UCKL1: variants seen among roughly 807,000 people sequenced by gnomAD.
The protein encoded by UCKL1 is uridine-cytidine kinase 1 like 1, also known as uridine-cytidine kinase-like 1.
A neutral mutation model predicts 59.2 loss-of-function variants in UCKL1; 65 were observed. The ratio of observed to expected loss-of-function variants is 1.10; its 90% CI spans 0.90 to 1.35. The LOEUF (loss-of-function observed/expected upper bound fraction) is 1.35, where lower values mean the gene tolerates loss of function less well. Among genes scored for constraint, UCKL1 ranks in the 40% most tolerant of loss-of-function variants. UCKL1 has a pLI of 0.00. For synonymous variants in UCKL1, 410 were observed against 323.1 expected (o/e 1.27, Z -2.88); for missense variants, 703 against 784.3 (o/e 0.90, Z 1.24).
In UCKL1 at chr20:63,956,378, T is replaced by C. The variant is rs1442130032; in HGVS notation, c.-6A>G. 3 of 1,485,862 alleles carry C rather than the reference T, an allele frequency of 2.0e-6. No individual in the cohort carries two copies. Among genetic ancestry groups the C allele is most frequent in the Non-Finnish European group, 2.7e-6 (3 of 1,120,536 alleles). 92.0% of individuals were successfully genotyped at this position (1,485,862 alleles called of 1,614,324 possible). On this transcript the variant is annotated 5_prime_UTR_variant, in exon 1 of 15. Transcript: ENST00000354216. ...CGGGCCGGGGGCGCAGCCATGGCGC[T>C]CGGAGGCCTCTTTGCGGGCCTGGCC...
chr20:63,956,197 G>T, intron 1 of UCKL1, 63 bp downstream of exon 1: 2 of 1,382,246 alleles, frequency 1.4e-6, no homozygotes, highest in Non-Finnish European at 1.9e-6. Flanking sequence ...CACCCGCCCA[G>T]CTCGGCCGGA....
chr20:63,947,676 C>G (rs747459945), intron 1 of UCKL1, among the ~76,000 whole-genome samples: 1 of 152,382 alleles, frequency 6.6e-6, no homozygotes, highest in South Asian at 2.1e-4. Context: ...TGTGGCCCCT[C>G]CTGGGTCCCC....
intron 2 of UCKL1, 86 bp downstream of exon 2, chr20:63,946,367 C>G (rs1037015323): frequency 1.3e-6 from 2 of 1,526,470 alleles, no homozygotes; most frequent in Non-Finnish European, 1.8e-6. Context: ...TGCGGTTGCC[C>G]GGCTTCCTTC....
chr20:63,955,139 C>G (rs1414090497), intron 1 of UCKL1: 2 of 152,016 alleles, frequency 1.3e-5, no homozygotes, highest in Non-Finnish European at 2.9e-5. Flanking sequence ...TCCAGCTACT[C>G]GGGAGGCTGA....
rs2054191739 is a variant in UCKL1 at position 63,940,874 on chromosome 20, A to C, written c.1117-18T>G. On this transcript the variant is annotated intron_variant, in intron 10 of 14. Coordinates refer to ENST00000354216, the MANE Select transcript of UCKL1 (RefSeq NM_017859.4). ...ACGCAGTCCTGTGGGGTGCAGGGTG[A>C]GGACTCCGGTGAGCGCAGGGAGCTC... The C allele has an allele frequency of 6.5e-7, 1 of 1,530,142 alleles. No individual in the cohort carries two copies. The highest frequency in any genetic ancestry group is 1.3e-5 in the South Asian group (1 of 78,970). The allele number at this position is 1,530,142 out of a possible 1,614,324, so 94.8% of individuals were successfully genotyped here.
intron 7 of UCKL1, 94 bp from the exon 8 acceptor site, chr20:63,943,763 T>C (rs551343194): frequency 1.9e-6 from 3 of 1,581,696 alleles, no homozygotes; most frequent in South Asian, 1.1e-5. Flanking sequence ...ATGGACATGC[T>C]GCAGGCCCGC....
chr20:63,940,387 G>A lies in UCKL1; in HGVS notation c.1401C>T (p.Arg467=), dbSNP rs573146175. ...STGAAAMMAV[R]VLLDHDVPED... The stretch of plus-strand genomic sequence containing the variant: ...CCCAGGGCTCACTCACCAGGAGCAC[G>A]CGCACTGCCATCATGGCCGCCGCGC... Residue 467 remains arginine (R), a synonymous_variant, in exon 13 of 15, where the codon CGC becomes CGT. Coordinates refer to ENST00000354216, the MANE Select transcript of UCKL1 (RefSeq NM_017859.4). 509 of 1,611,762 alleles carry A rather than the reference G, an allele frequency of 3.2e-4. 6 individuals carry two copies. In the South Asian group the frequency reaches 5.4e-3, roughly 17 times the overall value.
intron 1 of UCKL1, chr20:63,950,919 A>C: frequency 7.2e-7 from 1 of 1,389,328 alleles, no homozygotes; most frequent in South Asian, 1.6e-5. Context: ...GGGGGACATC[A>C]CCACCTCAGA....
intron 8 of UCKL1, chr20:63,941,552 A>T (rs1277324291): frequency 3.1e-6 from 1 of 324,980 alleles, no homozygotes; most frequent in Non-Finnish European, 6.3e-6. Context: ...ACGTGCTGAT[A>T]GGTGTCATAC....
At chr20:63,955,987 A>G (rs992490938) in intron 1 of UCKL1, 1 of 316,488 alleles carries the variant, frequency 3.2e-6, no homozygotes, top group Non-Finnish European at 5.9e-6. Context: ...GGCCCCACCC[A>G]CCGGGGGCAG....
At chr20:63,941,513 G>T in intron 8 of UCKL1, 1 of 417,952 alleles carries the variant, frequency 2.4e-6, no homozygotes, top group East Asian at 5.1e-5. Context: ...AGAGGAAGCA[G>T]AAGTGGGCCG....
chr20:63,954,610 G>A (rs2058254090), intron 1 of UCKL1: 1 of 152,288 alleles, frequency 6.6e-6, no homozygotes, highest in South Asian at 2.1e-4. Context: ...CCCTAGGCTG[G>A]GGCAGAGGAA....
In UCKL1 at chr20:63,946,151, G is replaced by T. The variant is rs762441719; in HGVS notation, c.411+10C>A. On this transcript the variant is annotated intron_variant, in intron 3 of 14. Coordinates refer to ENST00000354216, the MANE Select transcript of UCKL1 (RefSeq NM_017859.4). ...AAAGGGGTCCTCGGGGGAGCTGGGC[G>T]GGGGCCCACCTTGTAGAAGGAGTCC... The T allele has an allele frequency of 1.2e-6, 2 of 1,610,642 alleles. No homozygotes were observed. The highest frequency in any genetic ancestry group is 2.2e-5 in the East Asian group (1 of 44,846).
At chr20:63,941,355 G>C in intron 8 of UCKL1, 147 bp from the exon 9 acceptor site, 1 of 1,268,778 alleles carries the variant, frequency 7.9e-7, no homozygotes, top group Non-Finnish European at 1.1e-6. Context: ...TCTGCCTGGG[G>C]CTGAGCTGGG....
At chr20:63,942,839 GA>G in intron 8 of UCKL1, 2 of 413,356 alleles carry the variant, frequency 4.8e-6, no homozygotes, top group Non-Finnish European at 1.0e-5. Context: ...AACCTGACGG[GA>G]CAAGACCTGC....
In UCKL1 at chr20:63,940,581, T is replaced by G; in HGVS notation, c.1302+13A>C. The G allele has an allele frequency of 6.2e-7, 1 of 1,606,924 alleles. No individual in the cohort carries two copies. Among genetic ancestry groups the G allele is most frequent in the Middle Eastern group, 1.7e-4 (1 of 6,046 alleles). ...CTACCCCCGGGCTCATCACCCCGGCTGCCCCCAGGCACCTCGGGCTCCCCG... is the reference window on the plus strand; with the variant it reads ...CTACCCCCGGGCTCATCACCCCGGCGGCCCCCAGGCACCTCGGGCTCCCCG... On this transcript the variant is annotated intron_variant, in intron 12 of 14. Transcript: ENST00000354216.
chr20:63,943,771 C>G, intron 7 of UCKL1, 102 bp from the exon 8 acceptor site: 5 of 1,550,372 alleles, frequency 3.2e-6, no homozygotes. Flanking sequence ...GCTGCAGGCC[C>G]GCGGGGACAC....
intron 1 of UCKL1, among the ~76,000 whole-genome samples, chr20:63,949,062 C>T (rs948237519): frequency 6.6e-6 from 1 of 152,162 alleles, no homozygotes; most frequent in Non-Finnish European, 1.5e-5. Context: ...CAAAGAGACC[C>T]GCCGTCTGCA....
At chr20:63,941,376 G>A in intron 8 of UCKL1, 168 bp from the exon 9 acceptor site, 5 of 1,056,760 alleles carry the variant, frequency 4.7e-6, no homozygotes, top group South Asian at 1.6e-5. Flanking sequence ...GGGAGACGTC[G>A]CCCTACCTGA....
Sources: gnomAD v4.1 joint callset for allele counts (sites outside exome capture counted in the v4.1 genomes callset) on GRCh38, gnomAD v4.1.1 for gene constraint, MANE v1.5 for transcripts, NCBI Gene and HGNC (gene_info 2026-07-23, HGNC 2026-07-21) for gene names.